CLEC4A: variants seen among roughly 807,000 people sequenced by gnomAD.
CLEC4A encodes the protein C-type lectin domain family 4 member A, also known as C-type (calcium dependent, carbohydrate-recognition domain) lectin, superfamily member 6.
CLEC4A carries 27 observed loss-of-function variants against 32.7 expected under a neutral mutation model. The ratio of observed to expected loss-of-function variants is 0.83; its 90% confidence interval spans 0.61 to 1.14. The LOEUF is 1.14. Ranked by LOEUF, CLEC4A falls within the 50% of genes most tolerant of loss-of-function variation. The pLI is 0.00. For synonymous variants in CLEC4A, 89 were observed against 93.7 expected, an observed-to-expected ratio of 0.95 and a Z score of 0.29; for missense variants, 253 against 274.6, an observed-to-expected ratio of 0.92 and a Z score of 0.55.
Position 8,125,629 on chromosome 12 carries a change from T to G in CLEC4A, c.151T>G (p.Leu51Val). 1 of 1,613,572 alleles carries G rather than the reference T, an allele frequency of 6.2e-7. No homozygotes were observed. The highest frequency in any genetic ancestry group is 8.5e-7 in the Non-Finnish European group (1 of 1,179,512). Reference protein sequence around the residue: ...GFPKLLCASLLIFFLLLAISF... With the variant: ...GFPKLLCASLVIFFLLLAISF... ...CCCCAAGCTGCTTTGTGCCTCACTG[T>G]TGATATTTTTCCTGCTATTGGCAAT... The change falls in exon 2 of 6, where the codon TTG becomes GTG. Residue 51 changes from leucine (L) to valine (V), a missense_variant. Leu to Val is a conservative substitution (Grantham distance 32, BLOSUM62 1). Coordinates refer to ENST00000229332, the MANE Select transcript of CLEC4A (RefSeq NM_016184.4).
At chr12:8,136,704 T>C (rs4573763) in intron 4 of CLEC4A, 84 bp from the exon 5 acceptor site, 700,266 of 797,806 alleles carry the variant, frequency 0.88, 311,880 homozygotes, top group East Asian at 0.94. Flanking sequence ...ATCCTCTCCT[T>C]TTCTTCTTGT....
chr12:8,125,626 C>T lies in CLEC4A; in HGVS notation c.148C>T (p.Leu50=), dbSNP rs779911427. Residue 50 remains leucine, a synonymous_variant, in exon 2 of 6, where the codon CTG becomes TTG. Coordinates refer to ENST00000229332, the MANE Select transcript of CLEC4A (RefSeq NM_016184.4). ...TGFPKLLCAS[L]LIFFLLLAIS... is the part of the protein sequence containing the mutation. ...ATTCCCCAAGCTGCTTTGTGCCTCA[C>T]TGTTGATATTTTTCCTGCTATTGGC... 3 of 1,613,532 alleles carry T rather than the reference C, an allele frequency of 1.9e-6. No individual in the cohort carries two copies.
At chr12:8,112,903 G>A in the CLEC4A span, among the ~76,000 whole-genome samples, 1 of 152,022 alleles carries the variant, frequency 6.6e-6, no homozygotes, top group Non-Finnish European at 1.5e-5. Context: ...TTTTTATCAT[G>A]AATATTTTCA....
the CLEC4A span, among the ~76,000 whole-genome samples, chr12:8,104,388 A>G: frequency 2.6e-5 from 4 of 152,210 alleles, no homozygotes; most frequent in African/African-American, 9.7e-5. Flanking sequence ...ATGCCTTGCA[A>G]ATAAATTGGT....
intron 3 of CLEC4A, among the ~76,000 whole-genome samples, chr12:8,131,710 A>G (rs7137531): frequency 0.019 from 2,849 of 152,202 alleles, 91 homozygotes; most frequent in African/African-American, 0.064. Context: ...CATCACAAGT[A>G]TCTATATAAT....
the CLEC4A span, among the ~76,000 whole-genome samples, chr12:8,107,399 CGA>C: frequency 2.0e-4 from 31 of 152,094 alleles, 1 homozygote; most frequent in African/African-American, 6.3e-4. Context: ...AATCAGTTAG[CGA>C]TGAGTCCTTC....
chr12:8,106,641 A>G, the CLEC4A span, among the ~76,000 whole-genome samples: 1 of 151,888 alleles, frequency 6.6e-6, no homozygotes, highest in Non-Finnish European at 1.5e-5. Flanking sequence ...ATTTTATTTT[A>G]TGATTATTTT....
the CLEC4A span, among the ~76,000 whole-genome samples, chr12:8,107,139 G>T: frequency 2.0e-5 from 3 of 152,086 alleles, no homozygotes; most frequent in Non-Finnish European, 4.4e-5. Context: ...TGATTGTGTG[G>T]CTTTTGTTTT....
the CLEC4A span, among the ~76,000 whole-genome samples, chr12:8,114,549 CT>C: frequency 1.1e-4 from 17 of 152,164 alleles, no homozygotes. Flanking sequence ...CGGCCAATTC[CT>C]TTATTTCTGA....
the CLEC4A span, among the ~76,000 whole-genome samples, chr12:8,112,030 G>C: frequency 2.6e-5 from 4 of 151,686 alleles, no homozygotes; most frequent in Admixed American, 2.6e-4. Context: ...GTGCAATGGT[G>C]CAATCTCTGC....
At chr12:8,116,748 G>A in the CLEC4A span, among the ~76,000 whole-genome samples, 1 of 152,132 alleles carries the variant, frequency 6.6e-6, no homozygotes, top group East Asian at 1.9e-4. Flanking sequence ...AGACAGTGTG[G>A]GGATTCTGGA....
the CLEC4A span, among the ~76,000 whole-genome samples, chr12:8,115,966 A>C: frequency 1.1e-4 from 16 of 151,466 alleles, no homozygotes; most frequent in African/African-American, 3.6e-4. Flanking sequence ...TTTTTAATCT[A>C]TATATATATT....
At chr12:8,134,660 G>C in intron 3 of CLEC4A, 1 of 1,589,378 alleles carries the variant, frequency 6.3e-7, no homozygotes, top group Non-Finnish European at 8.6e-7. Context: ...CATACGGCGG[G>C]GGACATGGGG....
intron 3 of CLEC4A, among the ~76,000 whole-genome samples, chr12:8,129,820 A>G (rs1278377252): frequency 2.0e-5 from 3 of 152,106 alleles, no homozygotes; most frequent in Non-Finnish European, 4.4e-5. Flanking sequence ...AAACAAATAT[A>G]TAGGACATAA....
rs1303218424 is a variant in CLEC4A, at chr12:8,135,643, T to C, written c.357T>C (p.Phe119=). 2.5e-6 allele frequency: 4 copies of C among 1,614,126 alleles called. No individual in the cohort carries two copies. The highest frequency in any genetic ancestry group is 1.3e-5 in the African/African-American group (1 of 74,954). Residue 119 remains phenylalanine (F), a synonymous_variant, in exon 4 of 6, where the codon TTT becomes TTC. Transcript: ENST00000229332. ...NWKSFSSNCY[F]ISTESASWQD... ...AGTCATTTAGTTCCAACTGCTACTT[T>C]ATTTCTACTGAATCAGCATCTTGGC...
the CLEC4A span, among the ~76,000 whole-genome samples, chr12:8,117,389 T>C: frequency 6.6e-6 from 1 of 152,032 alleles, no homozygotes; most frequent in Admixed American, 6.6e-5. Context: ...CAGGTGCTCA[T>C]CACCACACCT....
At chr12:8,130,838 G>A (rs748423040) in intron 3 of CLEC4A, among the ~76,000 whole-genome samples, 1 of 151,988 alleles carries the variant, frequency 6.6e-6, no homozygotes, top group Admixed American at 6.6e-5. Context: ...ACTAATATTG[G>A]TATATTATTA....
chr12:8,130,468 G>A (rs1194001090), intron 3 of CLEC4A, among the ~76,000 whole-genome samples: 3 of 152,122 alleles, frequency 2.0e-5, no homozygotes, highest in Admixed American at 6.5e-5. Flanking sequence ...GATCTCCTGG[G>A]TTCCAAGTAA....
the CLEC4A span, among the ~76,000 whole-genome samples, chr12:8,111,684 G>A: frequency 6.6e-6 from 1 of 152,046 alleles, no homozygotes; most frequent in South Asian, 2.1e-4. Context: ...AAGTATGGAT[G>A]TACCGTAATA....
Sources: allele counts gnomAD v4.1 joint callset (sites outside exome capture counted in the v4.1 genomes callset), GRCh38; gene constraint gnomAD v4.1.1; transcripts MANE v1.5; gene names NCBI Gene and HGNC (gene_info 2026-07-23, HGNC 2026-07-21).